BPIFC: variants seen among roughly 807,000 people sequenced by gnomAD.
BPIFC encodes the protein BPI fold containing family C.
In BPIFC, 60 loss-of-function variants were observed where a neutral mutation model predicts 57.6. That is an observed-to-expected ratio of 1.04 (90% confidence interval 0.85 to 1.29). The LOEUF (loss-of-function observed/expected upper bound fraction) is 1.29, where lower values mean the gene tolerates loss of function less well. Ranked by LOEUF, BPIFC falls within the 50% of genes most tolerant of loss-of-function variation. The probability of loss-of-function intolerance (pLI) is 0.00; values close to 1 mark genes in which losing one functional copy is unlikely to be tolerated. For missense variants in BPIFC, 581 were observed against 600.5 expected (o/e 0.97, Z 0.34); for synonymous variants, 243 against 224.5 (o/e 1.08, Z -0.74).
Position 32,414,252 on chromosome 22 carries a change from G to T in BPIFC, c.*51C>A, listed in dbSNP as rs768069942. ...GTCTTTCCCTTCTGGGTTTACAGTA[G>T]TTGTAGGATTAAGGACCATTTACTT... On this transcript the variant is annotated 3_prime_UTR_variant, in exon 17 of 17. Coordinates refer to ENST00000300399, the MANE Select transcript of BPIFC (RefSeq NM_174932.3). 1 of 1,601,934 alleles carries T rather than the reference G, an allele frequency of 6.2e-7. No individual in the cohort carries two copies. Among genetic ancestry groups the T allele is most frequent in the Non-Finnish European group, 8.5e-7 (1 of 1,173,842 alleles).
Position 32,442,205 on chromosome 22 carries a change from G to C in BPIFC, c.655+466C>G, listed in dbSNP as rs994220133. Among the ~76,000 whole-genome samples the C allele has an allele frequency of 3.3e-5, 5 of 152,312 alleles. No individual in the cohort carries two copies. In the East Asian group the frequency reaches 9.7e-4, roughly 29 times the overall value. ...GCAGTGGAAACAGTTTGATTGCTGGGGCAGAGAAAGGTAAAGAGAAAGATG... is the reference window on the plus strand; with the variant it reads ...GCAGTGGAAACAGTTTGATTGCTGGCGCAGAGAAAGGTAAAGAGAAAGATG... On this transcript the variant is annotated intron_variant, in intron 8 of 16. Transcript: ENST00000300399.
rs376832562 is a variant in BPIFC, at chr22:32,462,520, G to A, written c.-88-859C>T. Among the ~76,000 whole-genome samples, 196 of 152,208 alleles carry A rather than the reference G, an allele frequency of 1.3e-3. 3 individuals carry two copies. In the South Asian group the frequency reaches 0.021, roughly 16 times the overall value. On this transcript the variant is annotated intron_variant, in intron 1 of 16. Coordinates refer to ENST00000300399, the MANE Select transcript of BPIFC (RefSeq NM_174932.3). ...CAGAGAAGAAATATTACTTGTGAAT[G>A]GAATAACAACTAAAATAATAAATTT... is the stretch of plus-strand genomic sequence containing the variant.
intron 13 of BPIFC, among the ~76,000 whole-genome samples, chr22:32,425,164 G>A (rs1005971935): frequency 6.6e-5 from 10 of 152,252 alleles, no homozygotes; most frequent in South Asian, 6.2e-4. Flanking sequence ...CTTTGAAAGC[G>A]GACTCACCCA....
At position 32,453,450 on chromosome 22, in the gene BPIFC, G is replaced by T. The variant is rs755083687; in HGVS notation, c.178C>A (p.Pro60Thr). The stretch of plus-strand genomic sequence containing the variant: ...AGAGACTCAGAACCGCTTAAATCTG[G>T]GAGTTTCTTTTCTTTTAGCATTTGC... Reference protein sequence around the residue: ...IEQMLKEKKLPDLSGSESLEF... With the variant: ...IEQMLKEKKLTDLSGSESLEF... Residue 60 changes from proline (P) to threonine (T), a missense_variant, in exon 4 of 17, where the codon CCA becomes ACA. Transcript: ENST00000300399. 1.9e-6 allele frequency: 3 copies of T among 1,605,656 alleles called. No homozygotes were observed. The East Asian group carries it at 6.7e-5, about 36-fold the overall frequency.
chr22:32,447,328 A>G lies in BPIFC; in HGVS notation c.258T>C (p.Ser86=). The G allele has an allele frequency of 6.2e-7, 1 of 1,613,540 alleles. No individual in the cohort carries two copies. Among genetic ancestry groups the G allele is most frequent in the Non-Finnish European group, 8.5e-7 (1 of 1,179,882 alleles). ...ATGAGGTATTTGGAAATGAAAAGGC[A>G]CTGATTTTTATACTGTAAAACCAGA... is the stretch of plus-strand genomic sequence containing the variant. ...VNYNFSNIKI[S]AFSFPNTSLA... is the part of the protein sequence containing the mutation. Residue 86 remains serine (S), a synonymous_variant, in exon 5 of 17, where the codon AGT becomes AGC. Transcript: ENST00000300399.
chr22:32,427,024 C>A (rs1487517194), intron 13 of BPIFC, among the ~76,000 whole-genome samples: 2 of 152,172 alleles, frequency 1.3e-5, no homozygotes, highest in Admixed American at 1.3e-4. Context: ...CATCAGAGCA[C>A]CAGAAGTCTG....
intron 5 of BPIFC, 54 bp downstream of exon 5, chr22:32,447,158 G>A (rs45606632): frequency 0.11 from 162,297 of 1,427,670 alleles, 10,404 homozygotes; most frequent in Non-Finnish European, 0.13. Flanking sequence ...TACATTTTCC[G>A]TTTTTGCTCA....
chr22:32,414,307 G>A lies in BPIFC; in HGVS notation c.1520C>T (p.Pro507Leu). The change falls in exon 17 of 17, where the codon CCT becomes CTT. Residue 507 changes from proline (P) to leucine (L), a missense_variant. Coordinates refer to ENST00000300399, the MANE Select transcript of BPIFC (RefSeq NM_174932.3). ...ISRQWRGKSA[P>L] Reference sequence around the variant, plus strand: ...GGGTGAATTGCAAACCGGCAATCAAGGGGCTGACTTCCCCCTCCACTGTCT... The same window carrying A: ...GGGTGAATTGCAAACCGGCAATCAAAGGGCTGACTTCCCCCTCCACTGTCT... 6.2e-7 allele frequency: 1 copy of A among 1,612,956 alleles called. No individual in the cohort carries two copies. Among genetic ancestry groups the A allele is most frequent in the Non-Finnish European group, 8.5e-7 (1 of 1,179,544 alleles).
At chr22:32,427,838 T>C (rs1934110976) in intron 13 of BPIFC, among the ~76,000 whole-genome samples, 1 of 152,108 alleles carries the variant, frequency 6.6e-6, no homozygotes, top group Non-Finnish European at 1.5e-5. Flanking sequence ...ACTACAAAAA[T>C]TAGCTGGGCG....
Position 32,415,951 on chromosome 22 carries a change from T to C in BPIFC, c.1365A>G (p.Lys455=). The part of the protein sequence containing the change: ...QQGFPLSNPH[K]FLFVNSDIEV... ...CAATATCTGAATTGACGAATAAGAA[T>C]TTGTGTGGATTGGACAGAGGAAATC... Residue 455 remains lysine (K), a synonymous_variant, in exon 16 of 17, where the codon AAA becomes AAG. Transcript: ENST00000300399. The C allele has an allele frequency of 6.3e-7, 1 of 1,595,910 alleles. No homozygotes were observed. The highest frequency in any genetic ancestry group is 8.5e-7 in the Non-Finnish European group (1 of 1,173,024).
chr22:32,454,362 G>A (rs11703361), intron 3 of BPIFC, among the ~76,000 whole-genome samples: 19,926 of 152,166 alleles, frequency 0.13, 1,743 homozygotes, highest in Non-Finnish European at 0.19. Flanking sequence ...TATGTGTCTC[G>A]TTTTTGAAGG....
In BPIFC at chr22:32,431,393, G is replaced by C; in HGVS notation, c.1171C>G (p.Leu391Val). Reference protein sequence around the residue: ...MDFVASTSVGLVILGQRLVCS... With the variant: ...MDFVASTSVGVVILGQRLVCS... ...ACCAGTCTTTGTCCCAAAATAACCA[G>C]GCCAACACTGGTACTAGCAACCTAT... Residue 391 changes from leucine (L) to valine (V), a missense_variant, in exon 13 of 17, where the codon CTG becomes GTG. Coordinates refer to ENST00000300399, the MANE Select transcript of BPIFC (RefSeq NM_174932.3). 6.3e-7 allele frequency: 1 copy of C among 1,590,392 alleles called. No homozygotes were observed. Among genetic ancestry groups the C allele is most frequent in the Non-Finnish European group, 8.6e-7 (1 of 1,163,672 alleles).
chr22:32,441,491 C>T (rs573934832), intron 8 of BPIFC, among the ~76,000 whole-genome samples: 9 of 152,260 alleles, frequency 5.9e-5, no homozygotes, highest in Middle Eastern at 3.4e-3. Context: ...AGGTGCTCAG[C>T]GCGCCATTGG....
chr22:32,453,837 C>T (rs184364849), intron 3 of BPIFC, among the ~76,000 whole-genome samples: 2 of 152,242 alleles, frequency 1.3e-5, no homozygotes, highest in Admixed American at 6.5e-5. Context: ...AATCCCAGCA[C>T]TTTGGGAGGT....
intron 2 of BPIFC, among the ~76,000 whole-genome samples, chr22:32,457,794 A>G (rs1487228782): frequency 1.3e-5 from 2 of 152,034 alleles, no homozygotes; most frequent in Non-Finnish European, 2.9e-5. Context: ...TCACCAAGTC[A>G]TTTTACCCTG....
chr22:32,434,641 T>A (rs1189913065), intron 10 of BPIFC, among the ~76,000 whole-genome samples: 1 of 152,108 alleles, frequency 6.6e-6, no homozygotes, highest in African/African-American at 2.4e-5. Context: ...CTTTTAGGGA[T>A]TACTGAGATA....
At chr22:32,438,157 G>A (rs778005596) in intron 8 of BPIFC, among the ~76,000 whole-genome samples, 60 of 152,234 alleles carry the variant, frequency 3.9e-4, no homozygotes, top group Middle Eastern at 3.4e-3. Context: ...CTGAAAGTGT[G>A]GACAGTACCA....
intron 13 of BPIFC, 141 bp downstream of exon 13, chr22:32,431,206 C>T (rs375081295): frequency 2.7e-5 from 17 of 621,160 alleles, no homozygotes; most frequent in South Asian, 8.7e-5. Context: ...CTCTGCCTCC[C>T]GGGTTCAAGC....
chr22:32,423,233 T>C (rs1247104848), intron 13 of BPIFC, among the ~76,000 whole-genome samples: 1 of 152,232 alleles, frequency 6.6e-6, no homozygotes, highest in Admixed American at 6.5e-5. Context: ...CATTCCACTA[T>C]TAAAGGACCC....
Sources: gnomAD v4.1 joint callset for allele counts (sites outside exome capture counted in the v4.1 genomes callset) on GRCh38, gnomAD v4.1.1 for gene constraint, MANE v1.5 for transcripts, NCBI Gene and HGNC (gene_info 2026-07-23, HGNC 2026-07-21) for gene names.